PRL: variants seen among roughly 807,000 people sequenced by gnomAD.
PRL encodes prolactin.
Under a neutral mutation model 21.3 loss-of-function variants are expected in PRL, and 24 were observed. The ratio of observed to expected loss-of-function variants is 1.13; its 90% CI spans 0.82 to 1.59. The LOEUF is 1.59. PRL is among the 40% of genes most tolerant of loss of function. PRL has a pLI of 0.00. For synonymous variants in PRL, 118 were observed against 115.7 expected (o/e 1.02, Z -0.13); for missense variants, 243 against 286.9 (o/e 0.85, Z 1.10).
rs188292080 is a variant in PRL at position 22,294,306 on chromosome 6, G to C, written c.204+103C>G. 2.3e-4 allele frequency: 314 copies of C among 1,338,138 alleles called. 1 individual carries two copies. The East Asian group carries it at 4.9e-3, about 21-fold the overall frequency. 82.9% of individuals were successfully genotyped at this position (1,338,138 alleles called of 1,614,324 possible). ...CTTCTTTCACATGTTAAAATGTATC[G>C]TTTGAAATTTGGCTCGGGAGGTTTT... On this transcript the variant is annotated intron_variant, in intron 2 of 4. Coordinates refer to ENST00000306482, the MANE Select transcript of PRL (RefSeq NM_000948.6).
upstream of PRL, among the ~76,000 whole-genome samples, chr6:22,299,487 T>G (rs1761243690): frequency 6.6e-6 from 1 of 152,208 alleles, no homozygotes. Flanking sequence ...TGTTTATCTG[T>G]TTTTAAGTTT....
intron 1 of PRL, among the ~76,000 whole-genome samples, chr6:22,296,292 C>T (rs1471596507): frequency 6.6e-6 from 1 of 152,182 alleles, no homozygotes; most frequent in Non-Finnish European, 1.5e-5. Flanking sequence ...ATTTTCCTTG[C>T]AAATGTCAAC....
chr6:22,290,256 G>T lies in PRL; in HGVS notation c.410C>A (p.Pro137Gln). The change falls in exon 4 of 5, where the codon CCG (proline) becomes CAG (glutamine). Residue 137 changes from proline to glutamine, a missense_variant. Transcript: ENST00000306482. The part of the protein sequence containing the change: ...VTEVRGMQEA[P>Q]EAILSKAVEI... ...TACAGCTTTGGATAGGATAGCCTCC[G>T]GGGCTTCTTGCATACCACGTACTTC... is the stretch of plus-strand genomic sequence containing the variant. The T allele has an allele frequency of 6.2e-7, 1 of 1,613,020 alleles. No homozygotes were observed. Among genetic ancestry groups the T allele is most frequent in the Non-Finnish European group, 8.5e-7 (1 of 1,179,204 alleles).
At chr6:22,299,712 G>A (rs981255354), upstream of PRL, among the ~76,000 whole-genome samples, 63 of 152,114 alleles carry the variant, frequency 4.1e-4, no homozygotes, top group African/African-American at 1.4e-3. Context: ...GGTGGCAGGC[G>A]CCTGTAGTCC....
chr6:22,294,367 T>G, intron 2 of PRL, 42 bp downstream of exon 2: 1 of 1,610,534 alleles, frequency 6.2e-7, no homozygotes, highest in East Asian at 2.2e-5. Context: ...GTAGTTCATG[T>G]GAAGGCTCCT....
At chr6:22,299,563 G>A (rs773345744), upstream of PRL, among the ~76,000 whole-genome samples, 2 of 152,114 alleles carry the variant, frequency 1.3e-5, no homozygotes, top group South Asian at 2.1e-4. Flanking sequence ...TTCACAGGGC[G>A]GGCGCAGTGG....
upstream of PRL, among the ~76,000 whole-genome samples, chr6:22,300,952 A>C (rs1047637057): frequency 6.6e-5 from 10 of 152,262 alleles, no homozygotes; most frequent in Admixed American, 2.6e-4. Flanking sequence ...GATATAAAAT[A>C]ATGCCAGATT....
intron 1 of PRL, among the ~76,000 whole-genome samples, 200 bp downstream of exon 1, chr6:22,296,755 C>A (rs1761184237): frequency 6.6e-6 from 1 of 152,200 alleles, no homozygotes; most frequent in Non-Finnish European, 1.5e-5. Context: ...TTGCCAAATG[C>A]CTCTGAGAGA....
upstream of PRL, chr6:22,297,354 T>C (rs1211930276): frequency 2.2e-5 from 5 of 228,712 alleles, no homozygotes; most frequent in Admixed American, 5.1e-5. Flanking sequence ...ATTTATCTTA[T>C]TTCTCTAAAG....
At position 22,288,732 on chromosome 6, in the gene PRL, A is replaced by G. The variant is rs1760977416; in HGVS notation, c.493-1139T>C. ...TAGAGACCAAGTAACCATTTTAGCA[A>G]CTTTAGGGATGTCAGCTAGTTTGGA... On this transcript the variant is annotated intron_variant, in intron 4 of 4. Transcript: ENST00000306482. This position sits in a 1 kb window ranked among gnomAD's most constrained non-coding sequence, Gnocchi z 4.5. Among the ~76,000 whole-genome samples the G allele has an allele frequency of 6.6e-6, 1 of 152,164 alleles. No homozygotes were observed. Among genetic ancestry groups the G allele is most frequent in the African/African-American group, 2.4e-5 (1 of 41,450 alleles).
At chr6:22,296,912 G>A (rs1238325549) in intron 1 of PRL, 43 bp downstream of exon 1, 1 of 1,594,610 alleles carries the variant, frequency 6.3e-7, no homozygotes, top group African/African-American at 1.3e-5. Context: ...CCCCCCACAG[G>A]AGTGTTGATA....
chr6:22,293,448 T>G (rs1761096749), intron 2 of PRL, among the ~76,000 whole-genome samples: 1 of 152,164 alleles, frequency 6.6e-6, no homozygotes, highest in Admixed American at 6.5e-5. Flanking sequence ...GTTTATTCTC[T>G]GTGGAGGCCC....
chr6:22,295,974 T>C (rs757794658), intron 1 of PRL, among the ~76,000 whole-genome samples: 1 of 152,258 alleles, frequency 6.6e-6, no homozygotes, highest in Non-Finnish European at 1.5e-5. Context: ...AGATGATTCC[T>C]ATTATAGACT....
chr6:22,291,487 A>G (rs918113275), intron 3 of PRL, among the ~76,000 whole-genome samples: 7 of 152,208 alleles, frequency 4.6e-5, no homozygotes, highest in African/African-American at 1.7e-4. Flanking sequence ...CTGACAATGT[A>G]GTACAAGTTG....
chr6:22,293,546 A>G (rs990455187), intron 2 of PRL, among the ~76,000 whole-genome samples: 1 of 151,782 alleles, frequency 6.6e-6, no homozygotes, highest in African/African-American at 2.4e-5. Flanking sequence ...TTATTCAGAA[A>G]TAGAGTACAT....
At chr6:22,290,908 T>G (rs1032778782) in intron 3 of PRL, 1 of 134,234 alleles carries the variant, frequency 7.4e-6, no homozygotes, top group Non-Finnish European at 1.7e-5. Context: ...GACATGGAAT[T>G]CATCAACATG....
intron 3 of PRL, 80 bp from the exon 4 acceptor site, chr6:22,290,433 G>T: frequency 8.4e-7 from 1 of 1,192,042 alleles, no homozygotes. Context: ...TGCTTAGAGA[G>T]GCTGTACTGA....
At chr6:22,287,704 T>A (rs932228799) in intron 4 of PRL, 111 bp from the exon 5 acceptor site, 1 of 1,009,574 alleles carries the variant, frequency 9.9e-7, no homozygotes, top group Middle Eastern at 2.6e-4. Flanking sequence ...AATGCAAAGT[T>A]TTAGACAAAG....
At chr6:22,296,639 T>C (rs914098579) in intron 1 of PRL, among the ~76,000 whole-genome samples, 7 of 152,242 alleles carry the variant, frequency 4.6e-5, no homozygotes, top group South Asian at 2.1e-4. Flanking sequence ...GTCCCGTGCA[T>C]TGAAGGATGT....
Sources: gnomAD v4.1 joint callset for allele counts (sites outside exome capture counted in the v4.1 genomes callset) on GRCh38, gnomAD v4.1.1 for gene constraint, Gnocchi (gnomAD v3.1) non-coding constraint, MANE v1.5 for transcripts, NCBI Gene and HGNC (gene_info 2026-07-23, HGNC 2026-07-21) for gene names.